LY96: variants seen among roughly 807,000 people sequenced by gnomAD.
The protein encoded by LY96 is lymphocyte antigen 96.
A neutral mutation model predicts 18.9 loss-of-function variants in LY96; 18 were observed. That is an observed-to-expected ratio of 0.95 (90% CI 0.66 to 1.41). LY96 has a LOEUF of 1.41. Ranked by LOEUF, LY96 falls within the 40% of genes most tolerant of loss-of-function variation. The probability of loss-of-function intolerance (pLI) is 0.00; values close to 1 mark genes in which losing one functional copy is unlikely to be tolerated. For synonymous variants in LY96, 66 were observed against 62.6 expected, an observed-to-expected ratio of 1.06 and a Z score of -0.26; for missense variants, 175 against 182.4, an observed-to-expected ratio of 0.96 and a Z score of 0.23.
intron 1 of LY96, among the ~76,000 whole-genome samples, chr8:73,996,372 C>CATTCCTTTCTTTCTTT (rs756373007): frequency 2.2e-4 from 24 of 110,996 alleles, no homozygotes; most frequent in African/African-American, 4.9e-4. Context: ...TTCCTTCATT[C>CATTCCTTTCTTTCTTT]CTTTCTTTCT....
the LY96 span, among the ~76,000 whole-genome samples, chr8:74,059,226 C>T: frequency 5.3e-5 from 8 of 151,994 alleles, no homozygotes; most frequent in African/African-American, 1.5e-4. Context: ...ACAAAGGACA[C>T]GAAAGAACAG....
the LY96 span, among the ~76,000 whole-genome samples, chr8:74,048,446 G>A: frequency 6.6e-6 from 1 of 152,182 alleles, no homozygotes; most frequent in Admixed American, 6.5e-5. Flanking sequence ...AAATCCGGGT[G>A]GGCCTAAGCA....
chr8:74,045,297 A>G, the LY96 span, among the ~76,000 whole-genome samples: 1 of 152,174 alleles, frequency 6.6e-6, no homozygotes, highest in Non-Finnish European at 1.5e-5. Flanking sequence ...AAATATAAAA[A>G]CCATACAGGG....
chr8:74,012,291 C>G (rs937365930), intron 3 of LY96, among the ~76,000 whole-genome samples: 3 of 152,074 alleles, frequency 2.0e-5, no homozygotes, highest in Admixed American at 1.3e-4. Context: ...ACCTAAGTGT[C>G]CATCAACAGA....
chr8:74,065,149 T>A, the LY96 span, among the ~76,000 whole-genome samples: 7 of 152,346 alleles, frequency 4.6e-5, no homozygotes, highest in African/African-American at 1.4e-4. Context: ...ACCCATGATC[T>A]GTAAGATCCC....
intron 3 of LY96, among the ~76,000 whole-genome samples, chr8:74,022,072 T>A (rs962228619): frequency 9.5e-5 from 14 of 147,928 alleles, no homozygotes; most frequent in East Asian, 3.9e-4. Context: ...AAGTATAATT[T>A]AAAAAAAAAA....
At chr8:74,065,002 A>G in the LY96 span, among the ~76,000 whole-genome samples, 7 of 152,320 alleles carry the variant, frequency 4.6e-5, no homozygotes, top group South Asian at 1.2e-3. Flanking sequence ...TAAGCCCCCA[A>G]CTGACTGAAT....
At chr8:74,004,614 G>A (rs901419788) in intron 1 of LY96, among the ~76,000 whole-genome samples, 182 bp from the exon 2 acceptor site, 2 of 152,162 alleles carry the variant, frequency 1.3e-5, no homozygotes, top group African/African-American at 4.8e-5. Context: ...GAAGAGTTCA[G>A]GGCTTCTGAT....
chr8:74,031,962 T>C (rs1300509351), downstream of LY96, among the ~76,000 whole-genome samples: 1 of 151,930 alleles, frequency 6.6e-6, no homozygotes, highest in Non-Finnish European at 1.5e-5. Context: ...TCATCTCTAC[T>C]AAAAATACAA....
intron 2 of LY96, among the ~76,000 whole-genome samples, chr8:74,006,076 T>C (rs1254001458): frequency 3.9e-5 from 6 of 152,240 alleles, no homozygotes; most frequent in African/African-American, 1.2e-4. Flanking sequence ...TGATTCTAGT[T>C]GTTCAACCTG....
At chr8:74,016,364 C>G (rs144795202) in intron 3 of LY96, among the ~76,000 whole-genome samples, 4 of 152,298 alleles carry the variant, frequency 2.6e-5, no homozygotes, top group African/African-American at 2.4e-5. Flanking sequence ...CCTGAAAGCT[C>G]GAACTGGGTG....
chr8:74,070,161 G>A, the LY96 span, among the ~76,000 whole-genome samples: 3 of 150,814 alleles, frequency 2.0e-5, no homozygotes, highest in African/African-American at 7.3e-5. Flanking sequence ...GCGCGATCTC[G>A]GCTCACTGCA....
At chr8:74,003,338 G>A (rs1159864054) in intron 1 of LY96, among the ~76,000 whole-genome samples, 1 of 152,244 alleles carries the variant, frequency 6.6e-6, no homozygotes, top group African/African-American at 2.4e-5. Context: ...CTAAAAGGGG[G>A]TGGGCTAGCT....
chr8:74,097,098 A>C, the LY96 span, among the ~76,000 whole-genome samples: 1 of 152,162 alleles, frequency 6.6e-6, no homozygotes, highest in East Asian at 1.9e-4. Flanking sequence ...TAATTTTAAA[A>C]ATAATTTTCA....
intron 1 of LY96, among the ~76,000 whole-genome samples, chr8:74,002,040 TTCCTTCC>T (rs1816292368): frequency 3.0e-5 from 1 of 32,934 alleles, no homozygotes; most frequent in Admixed American, 3.8e-4. Flanking sequence ...CCTTCCTTCC[TTCCTTCC>T]TTCCTTCCTT....
At chr8:74,058,558 C>T in the LY96 span, among the ~76,000 whole-genome samples, 2 of 143,374 alleles carry the variant, frequency 1.4e-5, no homozygotes, top group African/African-American at 5.2e-5. Context: ...CTTGCTTTGT[C>T]ACCCAAGCTG....
chr8:74,006,686 A>G (rs1004338080), intron 2 of LY96, among the ~76,000 whole-genome samples: 2 of 152,204 alleles, frequency 1.3e-5, no homozygotes. Flanking sequence ...TTGCTTGGCT[A>G]AGGCTCTACA....
chr8:74,023,672 G>A (rs1404294156), intron 3 of LY96, among the ~76,000 whole-genome samples: 2 of 152,150 alleles, frequency 1.3e-5, no homozygotes, highest in East Asian at 1.9e-4. Context: ...CTCTTTCTCC[G>A]TTCAAATTTC....
chr8:74,010,457 A>G (rs976040411), intron 3 of LY96, among the ~76,000 whole-genome samples: 2 of 152,070 alleles, frequency 1.3e-5, no homozygotes, highest in Non-Finnish European at 2.9e-5. Flanking sequence ...TAGGACCCTT[A>G]CAGAGATCTT....
Sources: gnomAD v4.1 joint callset for allele counts (sites outside exome capture counted in the v4.1 genomes callset) on GRCh38, gnomAD v4.1.1 for gene constraint, MANE v1.5 for transcripts, NCBI Gene and HGNC (gene_info 2026-07-23, HGNC 2026-07-21) for gene names.